Variants in NREP observed in about 807,000 individuals in gnomAD.
The protein encoded by NREP is neuronal regeneration-related protein.
Under a neutral mutation model 8.6 loss-of-function variants are expected in NREP, and 5 were observed. The ratio of observed to expected loss-of-function variants is 0.58; its 90% CI spans 0.30 to 1.22. NREP has a LOEUF of 1.22. Among genes scored for constraint, NREP ranks in the 50% most tolerant of loss-of-function variants. NREP has a pLI of 0.07. For synonymous variants in NREP, 27 were observed against 28.0 expected, an observed-to-expected ratio of 0.96 and a Z score of 0.11; for missense variants, 86 against 82.5, an observed-to-expected ratio of 1.04 and a Z score of -0.17.
At chr5:111,744,762 A>G (rs1446922606) in intron 2 of NREP, among the ~76,000 whole-genome samples, 1 of 152,116 alleles carries the variant, frequency 6.6e-6, no homozygotes, top group Non-Finnish European at 1.5e-5. Context: ...AGGCTTCAAG[A>G]GTTGTGAAAA....
At chr5:111,762,845 T>A (rs1750993249) in intron 2 of NREP, among the ~76,000 whole-genome samples, 1 of 152,162 alleles carries the variant, frequency 6.6e-6, no homozygotes, top group Non-Finnish European at 1.5e-5. Flanking sequence ...GAGTAAAGGA[T>A]TTGTAGTATT....
At chr5:111,823,988 T>C (rs1752566032) in intron 2 of NREP, among the ~76,000 whole-genome samples, 3 of 152,202 alleles carry the variant, frequency 2.0e-5, no homozygotes. Flanking sequence ...TCTACTTTAA[T>C]TGGTTCACAG....
At chr5:111,930,349 A>G (rs930355920) in intron 2 of NREP, among the ~76,000 whole-genome samples, 2 of 152,130 alleles carry the variant, frequency 1.3e-5, no homozygotes, top group Non-Finnish European at 2.9e-5. Context: ...GTAGTCCCCC[A>G]CCCTCAAAGA....
upstream of NREP, among the ~76,000 whole-genome samples, chr5:111,758,815 A>G (rs1750885478): frequency 2.0e-5 from 3 of 152,246 alleles, no homozygotes; most frequent in African/African-American, 7.2e-5. Flanking sequence ...TTCTAAAAGA[A>G]TGCACTGAGT....
intron 1 of NREP, among the ~76,000 whole-genome samples, 153 bp downstream of exon 1, chr5:111,756,983 T>C (rs1377360216): frequency 6.6e-6 from 1 of 152,004 alleles, no homozygotes; most frequent in African/African-American, 2.4e-5. Flanking sequence ...ATGCCAGAAT[T>C]TCTCCAAGGT....
chr5:111,792,510 C>T (rs116304773), intron 2 of NREP, among the ~76,000 whole-genome samples: 116 of 152,020 alleles, frequency 7.6e-4, no homozygotes, highest in African/African-American at 2.6e-3. Flanking sequence ...TGATTTCTTA[C>T]AAAAGGACAT....
chr5:111,933,432 T>G (rs906644072), intron 2 of NREP, among the ~76,000 whole-genome samples: 1 of 152,154 alleles, frequency 6.6e-6, no homozygotes, highest in Admixed American at 6.5e-5. Flanking sequence ...GGTCAAATTT[T>G]AGAAGATGGG....
intron 2 of NREP, among the ~76,000 whole-genome samples, chr5:111,837,321 GA>G (rs1396872677): frequency 6.6e-6 from 1 of 151,978 alleles, no homozygotes; most frequent in Non-Finnish European, 1.5e-5. Context: ...TTTCAGGACT[GA>G]TGAGGTTTGT....
At chr5:111,789,950 T>C (rs1310008007) in intron 2 of NREP, among the ~76,000 whole-genome samples, 1 of 151,950 alleles carries the variant, frequency 6.6e-6, no homozygotes, top group African/African-American at 2.4e-5. Context: ...TAAATTTATG[T>C]AGAGGAGAAA....
At chr5:111,839,740 C>T (rs1752979518) in intron 2 of NREP, among the ~76,000 whole-genome samples, 1 of 151,994 alleles carries the variant, frequency 6.6e-6, no homozygotes, top group Non-Finnish European at 1.5e-5. Context: ...AATATAAAGT[C>T]TTAATAAATA....
chr5:111,735,359 G>T (rs1749005137), intron 3 of NREP, 71 bp downstream of exon 3: 1 of 1,054,636 alleles, frequency 9.5e-7, no homozygotes, highest in Non-Finnish European at 1.5e-6. Context: ...AAATGAAAAA[G>T]CTCTGATATT....
chr5:111,963,968 T>C (rs1347624664), intron 2 of NREP, among the ~76,000 whole-genome samples: 4 of 152,220 alleles, frequency 2.6e-5, no homozygotes, highest in African/African-American at 7.2e-5. Flanking sequence ...TAAACAGATA[T>C]ACATTTTAAA....
chr5:111,915,540 TC>T (rs1755033260), intron 2 of NREP, among the ~76,000 whole-genome samples: 1 of 151,994 alleles, frequency 6.6e-6, no homozygotes, highest in Non-Finnish European at 1.5e-5. Context: ...GTGCCTCTCT[TC>T]CAACCATTCA....
intron 2 of NREP, among the ~76,000 whole-genome samples, chr5:111,831,499 T>C (rs183926245): frequency 6.6e-6 from 1 of 152,312 alleles, no homozygotes; most frequent in East Asian, 1.9e-4. Flanking sequence ...TTTTCGCTCT[T>C]CTCATCATCC....
chr5:111,785,648 C>G (rs1229671869), intron 2 of NREP, among the ~76,000 whole-genome samples: 1 of 151,960 alleles, frequency 6.6e-6, no homozygotes, highest in Non-Finnish European at 1.5e-5. Context: ...TTTGGTAACT[C>G]CAGAAATTAT....
chr5:111,728,835 T>C (rs1203954298), downstream of NREP: 1 of 152,202 alleles, frequency 6.6e-6, no homozygotes, highest in East Asian at 1.9e-4. Context: ...TTTTATCCTC[T>C]TACAAAAGTT....
At chr5:111,731,430 T>A (rs74494710) in intron 3 of NREP, among the ~76,000 whole-genome samples, 165 of 141,360 alleles carry the variant, frequency 1.2e-3, no homozygotes, top group Middle Eastern at 3.8e-3. Context: ...TTGATAATTA[T>A]AAAAAAAAAA....
At chr5:111,814,532 A>C (rs1359032802) in intron 2 of NREP, among the ~76,000 whole-genome samples, 7 of 152,124 alleles carry the variant, frequency 4.6e-5, no homozygotes, top group African/African-American at 1.2e-4. Flanking sequence ...GTAGGATTAA[A>C]GTACTCCCCA....
intron 2 of NREP, among the ~76,000 whole-genome samples, chr5:111,879,061 C>T (rs1181720352): frequency 6.6e-6 from 1 of 152,160 alleles, no homozygotes; most frequent in Non-Finnish European, 1.5e-5. Context: ...TCATGAATGG[C>T]TTTGTGCCTT....
Sources: allele counts gnomAD v4.1 joint callset (sites outside exome capture counted in the v4.1 genomes callset), GRCh38; gene constraint gnomAD v4.1.1; transcripts MANE v1.5; gene names NCBI Gene and HGNC (gene_info 2026-07-23, HGNC 2026-07-21).